MCTP1: variants seen among roughly 807,000 people sequenced by gnomAD.
MCTP1 encodes the protein multiple C2 and transmembrane domain containing 1.
Under a neutral mutation model 120.6 loss-of-function variants are expected in MCTP1, and 69 were observed. The observed-to-expected ratio is 0.57, with a 90% CI of 0.47 to 0.70. The LOEUF (loss-of-function observed/expected upper bound fraction) is 0.70, where lower values mean the gene tolerates loss of function less well. Among genes scored for constraint, MCTP1 ranks in the 30% least tolerant of loss-of-function variants. The pLI, the probability that MCTP1 is intolerant of heterozygous loss-of-function variation, is 0.00. For missense variants in MCTP1, 1,203 were observed against 1,248.8 expected (o/e 0.96, Z 0.55); for synonymous variants, 529 against 493.1 (o/e 1.07, Z -0.96).
At chr5:94,826,335 G>A (rs907323699) in intron 17 of MCTP1, 10 of 550,392 alleles carry the variant, frequency 1.8e-5, no homozygotes, top group Non-Finnish European at 2.7e-5. Context: ...GCTTCACAAA[G>A]GTTCCACTGA....
At chr5:94,916,354 A>G (rs1243761662) in intron 8 of MCTP1, among the ~76,000 whole-genome samples, 1 of 151,724 alleles carries the variant, frequency 6.6e-6, no homozygotes, top group African/African-American at 2.4e-5. Flanking sequence ...TCTGGGACTC[A>G]GTTTTCTTAT....
chr5:95,061,472 G>C (rs1216905493), intron 1 of MCTP1, among the ~76,000 whole-genome samples: 11 of 83,612 alleles, frequency 1.3e-4, no homozygotes, highest in African/African-American at 4.8e-4. Flanking sequence ...GTCTCGCTCT[G>C]TCTCCCAGGC....
At chr5:94,781,247 A>G (rs1298742502) in intron 18 of MCTP1, among the ~76,000 whole-genome samples, 3 of 151,988 alleles carry the variant, frequency 2.0e-5, no homozygotes, top group African/African-American at 7.3e-5. Context: ...GTAGCTACTT[A>G]TAATTAAGAA....
intron 1 of MCTP1, among the ~76,000 whole-genome samples, chr5:95,155,011 G>A (rs999481221): frequency 3.3e-5 from 5 of 152,068 alleles, no homozygotes; most frequent in Non-Finnish European, 7.4e-5. Context: ...TTATAAGCCT[G>A]TATAATTTTA....
At position 94,995,317 on chromosome 5, in the gene MCTP1, A is replaced by G. The variant is rs1204948973; in HGVS notation, c.838+22050T>C. Among the ~76,000 whole-genome samples, 5 of 152,214 alleles carry G rather than the reference A, an allele frequency of 3.3e-5. No homozygotes were observed. The South Asian group carries it at 1.0e-3, about 32-fold the overall frequency. The stretch of plus-strand genomic sequence containing the variant: ...ATTCAGTAGGTCTGGGATGGGGCCC[A>G]AGAATTCACAAGTGTGGGTACCAAA... On this transcript the variant is annotated intron_variant, in intron 2 of 22. Coordinates refer to ENST00000515393, the MANE Select transcript of MCTP1 (RefSeq NM_024717.7).
intron 19 of MCTP1, among the ~76,000 whole-genome samples, chr5:94,731,744 G>A (rs1580360732): frequency 3.9e-5 from 6 of 152,274 alleles, no homozygotes; most frequent in African/African-American, 1.4e-4. Context: ...CTGCTGCTAT[G>A]TAGAAATACA....
chr5:95,283,884 T>A lies in MCTP1; in HGVS notation c.692A>T (p.Glu231Val). 7.3e-7 allele frequency: 1 copy of A among 1,377,130 alleles called. No individual in the cohort carries two copies. Among genetic ancestry groups the A allele is most frequent in the Non-Finnish European group, 9.3e-7 (1 of 1,074,630 alleles). The allele number at this position is 1,377,130 out of a possible 1,614,324, so 85.3% of individuals were successfully genotyped here. ...GCTGCTGCCGTGCTCCTCGCCCGTC[T>A]CCGGGGCCCGAGACTCCGCGGGACT... ...ARSPAESRAPETGEEHGSSQK... is the reference protein window; with the variant it reads ...ARSPAESRAPVTGEEHGSSQK... Residue 231 changes from glutamate (E) to valine (V), a missense_variant, in exon 1 of 23, where the codon GAG (glutamate) becomes GTG (valine). By Grantham distance (121) the Glu-to-Val change is moderately radical. This residue lies in a region of MCTP1 where 463 missense variants were observed against 377.8 expected (regional missense o/e 1.23). Coordinates refer to ENST00000515393, the MANE Select transcript of MCTP1 (RefSeq NM_024717.7).
At chr5:94,783,359 G>T (rs746478017) in intron 18 of MCTP1, among the ~76,000 whole-genome samples, 1 of 152,004 alleles carries the variant, frequency 6.6e-6, no homozygotes, top group Non-Finnish European at 1.5e-5. Context: ...AAACAAAATT[G>T]TATCTATAGA....
At chr5:94,708,461 A>G (rs772171980) in intron 22 of MCTP1, 51 bp downstream of exon 22, 1 of 1,135,132 alleles carries the variant, frequency 8.8e-7, no homozygotes, top group Non-Finnish European at 1.3e-6. Flanking sequence ...CTAAAACCCC[A>G]TGCCACACTA....
chr5:94,982,867 G>C (rs542234185), intron 2 of MCTP1, among the ~76,000 whole-genome samples: 4 of 82,634 alleles, frequency 4.8e-5, no homozygotes, highest in Admixed American at 1.6e-4. Flanking sequence ...CTACCTGGGG[G>C]ACAGAGCACA....
intron 18 of MCTP1, chr5:94,788,857 G>A (rs1778313359): frequency 6.6e-6 from 1 of 152,184 alleles, no homozygotes; most frequent in African/African-American, 2.4e-5. Context: ...TGAAGTCCTG[G>A]GGGCAGATAT....
At chr5:94,995,241 T>A (rs1023910132) in intron 2 of MCTP1, among the ~76,000 whole-genome samples, 1 of 152,190 alleles carries the variant, frequency 6.6e-6, no homozygotes, top group African/African-American at 2.4e-5. Flanking sequence ...CAGAATCACA[T>A]AGAAGGTTTC....
chr5:95,199,763 G>T (rs1750792797), intron 1 of MCTP1, among the ~76,000 whole-genome samples: 1 of 152,018 alleles, frequency 6.6e-6, no homozygotes, highest in African/African-American at 2.4e-5. Context: ...GGAGGCTGGG[G>T]CAAGAGAATT....
At position 95,263,755 on chromosome 5, in the gene MCTP1, A is replaced by C. The variant is rs950979868; in HGVS notation, c.720+20101T>G. On this transcript the variant is annotated intron_variant, in intron 1 of 22. Transcript: ENST00000515393. Reference sequence around the variant, plus strand: ...CAGGAACTTTCATTGTACCCTCCTAACAGCACCATCAGGTTGGTATGTTAT... The same window carrying C: ...CAGGAACTTTCATTGTACCCTCCTACCAGCACCATCAGGTTGGTATGTTAT... Among the ~76,000 whole-genome samples the C allele has an allele frequency of 2.6e-5, 4 of 152,310 alleles. No individual in the cohort carries two copies. The East Asian group carries it at 7.7e-4, about 29-fold the overall frequency.
intron 2 of MCTP1, among the ~76,000 whole-genome samples, chr5:95,008,255 G>T (rs1284109292): frequency 6.6e-6 from 1 of 151,978 alleles, no homozygotes; most frequent in African/African-American, 2.4e-5. Context: ...AAAGAAGGCC[G>T]CCCATTTCTG....
intron 1 of MCTP1, among the ~76,000 whole-genome samples, chr5:95,084,773 C>A (rs1326856871): frequency 1.3e-5 from 2 of 152,036 alleles, no homozygotes; most frequent in Non-Finnish European, 2.9e-5. Context: ...AAATCTAAAC[C>A]TTTTGTTGCT....
chr5:94,844,039 A>G (rs952111576), intron 17 of MCTP1, among the ~76,000 whole-genome samples: 6 of 152,194 alleles, frequency 3.9e-5, no homozygotes, highest in Admixed American at 3.9e-4. Flanking sequence ...GCGGTGGCTC[A>G]TGCCTGTAAT....
intron 1 of MCTP1, among the ~76,000 whole-genome samples, chr5:95,111,571 T>C (rs1474935057): frequency 1.3e-5 from 2 of 152,158 alleles, no homozygotes; most frequent in Non-Finnish European, 2.9e-5. Context: ...ATTTCACCCA[T>C]TTTAAATTTG....
At chr5:95,116,384 CA>C (rs1757828741) in intron 1 of MCTP1, among the ~76,000 whole-genome samples, 1 of 152,038 alleles carries the variant, frequency 6.6e-6, no homozygotes, top group Non-Finnish European at 1.5e-5. Flanking sequence ...ATGGAAACAA[CA>C]AAAGGTTAAG....
Sources: allele counts gnomAD v4.1 joint callset (sites outside exome capture counted in the v4.1 genomes callset), GRCh38; gene constraint gnomAD v4.1.1; regional missense constraint gnomAD v4.1.1; transcripts MANE v1.5; gene names NCBI Gene and HGNC (gene_info 2026-07-23, HGNC 2026-07-21).